Variants in GPAM observed in about 807,000 individuals in gnomAD.
The protein encoded by GPAM is glycerol-3-phosphate acyltransferase, mitochondrial.
GPAM carries 56 observed loss-of-function variants against 105.0 expected under a neutral mutation model. That is an observed-to-expected ratio of 0.53 (90% confidence interval 0.43 to 0.67). The LOEUF is 0.67. GPAM is among the 30% of genes least tolerant of loss of function. The pLI is 0.00. For synonymous variants in GPAM, 368 were observed against 354.4 expected (o/e 1.04, Z -0.43); for missense variants, 855 against 989.8 (o/e 0.86, Z 1.83).
At chr10:112,195,019 G>A (rs974464113) in intron 1 of GPAM, among the ~76,000 whole-genome samples, 1 of 151,978 alleles carries the variant, frequency 6.6e-6, no homozygotes, top group African/African-American at 2.4e-5. Context: ...CATCTTCACT[G>A]GGGGGCATAA....
the GPAM span, among the ~76,000 whole-genome samples, chr10:112,227,096 G>A: frequency 1.5e-4 from 23 of 152,148 alleles, no homozygotes; most frequent in Middle Eastern, 3.4e-3. Flanking sequence ...TGCCACTCTC[G>A]TTCTCTAAGC....
upstream of GPAM, among the ~76,000 whole-genome samples, chr10:112,184,017 T>A (rs1176665234): frequency 1.3e-5 from 2 of 152,198 alleles, no homozygotes; most frequent in African/African-American, 4.8e-5. Context: ...ATTCAGCTTA[T>A]CCGGGAGCTT....
chr10:112,151,633 C>A lies in GPAM; in HGVS notation c.*1917G>T. On this transcript the variant is annotated 3_prime_UTR_variant, in exon 22 of 22. Coordinates refer to ENST00000348367, the MANE Select transcript of GPAM (RefSeq NM_001244949.2). ...ATTTTCTTTGCTTAGGTTGGCAAAG[C>A]AGCAGCTCTTTGCAGCAATGACAGG... is the stretch of plus-strand genomic sequence containing the variant. 2.0e-6 allele frequency: 2 copies of A among 985,444 alleles called. No homozygotes were observed. The highest frequency in any genetic ancestry group is 9.4e-5 in the South Asian group (2 of 21,286). The allele number at this position is 985,444 out of a possible 1,614,324, so 61.0% of individuals were successfully genotyped here.
rs535706228 is a variant in GPAM, at chr10:112,168,416, C to T, written c.1003G>A (p.Val335Met). 6 of 1,606,584 alleles carry T rather than the reference C, an allele frequency of 3.7e-6. No homozygotes were observed. Among genetic ancestry groups the T allele is most frequent in the Non-Finnish European group, 5.1e-6 (6 of 1,173,070 alleles). Reference protein sequence around the residue: ...SCARAGLLSVVVDTLSTNVIP... With the variant: ...SCARAGLLSVMVDTLSTNVIP... ...ACATTGGTAGACAGAGTATCTACCACAACTGACAAAAGTCCTGCCCGAGCA... is the reference window on the plus strand; with the variant it reads ...ACATTGGTAGACAGAGTATCTACCATAACTGACAAAAGTCCTGCCCGAGCA... Residue 335 changes from valine to methionine, a missense_variant, in exon 11 of 22, where the codon GTG (valine) becomes ATG (methionine). Physicochemically the swap from Val to Met is conservative, Grantham distance 21. Transcript: ENST00000348367.
the GPAM span, among the ~76,000 whole-genome samples, chr10:112,225,616 C>A: frequency 6.6e-6 from 1 of 152,150 alleles, no homozygotes; most frequent in African/African-American, 2.4e-5. Context: ...TGCTACACAG[C>A]AGTTCACAGT....
intron 21 of GPAM, 31 bp from the exon 22 acceptor site, chr10:112,153,697 C>CAAAAAAT (rs1564808619): frequency 6.2e-7 from 1 of 1,601,454 alleles, no homozygotes; most frequent in Non-Finnish European, 8.5e-7. Context: ...AAATTAAAGG[C>CAAAAAAT]AAAAAATAAA....
rs897970129 is a variant in GPAM at position 112,168,295 on chromosome 10, T to A, written c.1107+17A>T. The A allele has an allele frequency of 1.4e-6, 2 of 1,403,896 alleles. No individual in the cohort carries two copies. The highest frequency in any genetic ancestry group is 1.4e-5 in the African/African-American group (1 of 70,860). The allele number at this position is 1,403,896 out of a possible 1,614,324, so 87.0% of individuals were successfully genotyped here. ...AGACTTGATAAGCAAAGAAAACTTTTGTGTAGGTACCCTTACCAGTTGTTC... is the reference window on the plus strand; with the variant it reads ...AGACTTGATAAGCAAAGAAAACTTTAGTGTAGGTACCCTTACCAGTTGTTC... On this transcript the variant is annotated intron_variant, in intron 11 of 21. Coordinates refer to ENST00000348367, the MANE Select transcript of GPAM (RefSeq NM_001244949.2).
In GPAM at chr10:112,158,475, C is replaced by T. The variant is rs550458362; in HGVS notation, c.1903-82G>A. 214 of 855,616 alleles carry T rather than the reference C, an allele frequency of 2.5e-4. No homozygotes were observed. In the East Asian group the frequency reaches 4.6e-3, roughly 18 times the overall value. The allele number at this position is 855,616 out of a possible 1,614,324, so 53.0% of individuals were successfully genotyped here. On this transcript the variant is annotated intron_variant, in intron 17 of 21. Coordinates refer to ENST00000348367, the MANE Select transcript of GPAM (RefSeq NM_001244949.2). ...ACGCAGAAAACATGGTACAAGGTAG[C>T]TGCCAAAGCCTTCCATTCTGTTACC...
At chr10:112,160,409 C>A (rs1475758675) in intron 16 of GPAM, 195 bp downstream of exon 16, 3 of 926,610 alleles carry the variant, frequency 3.2e-6, no homozygotes, top group Non-Finnish European at 3.9e-6. Flanking sequence ...TAATGCTATA[C>A]AAACGGTAAT....
intron 1 of GPAM, among the ~76,000 whole-genome samples, chr10:112,195,204 C>T (rs1189795220): frequency 6.6e-6 from 1 of 152,186 alleles, no homozygotes; most frequent in African/African-American, 2.4e-5. Context: ...TGCCAAAATG[C>T]ACCATGCCAA....
chr10:112,169,107 A>G (rs1789416937), intron 9 of GPAM, among the ~76,000 whole-genome samples, 155 bp from the exon 10 acceptor site: 2 of 152,128 alleles, frequency 1.3e-5, no homozygotes, highest in South Asian at 2.1e-4. Flanking sequence ...TTCATTTTCC[A>G]TATTATCGAC....
Position 112,152,042 on chromosome 10 carries a change from A to G in GPAM, c.*1508T>C, listed in dbSNP as rs1434960330. The stretch of plus-strand genomic sequence containing the variant: ...GTATTTCATACAATGTGAAATATCA[A>G]TCAGCATCCCTCCCTCTCCCAAAAC... On this transcript the variant is annotated 3_prime_UTR_variant, in exon 22 of 22. Coordinates refer to ENST00000348367, the MANE Select transcript of GPAM (RefSeq NM_001244949.2). 1 of 977,914 alleles carries G rather than the reference A, an allele frequency of 1.0e-6. No individual in the cohort carries two copies. The highest frequency in any genetic ancestry group is 1.2e-6 in the Non-Finnish European group (1 of 823,188). The allele number at this position is 977,914 out of a possible 1,614,324, so 60.6% of individuals were successfully genotyped here. A position where few individuals can be genotyped will look rare whatever the true frequency, so the allele number is the denominator to read the frequency against.
intron 7 of GPAM, 48 bp from the exon 8 acceptor site, chr10:112,173,114 A>C: frequency 9.7e-7 from 1 of 1,030,680 alleles, no homozygotes; most frequent in Middle Eastern, 2.0e-4. Flanking sequence ...AACACACGTT[A>C]TTTTTACATA....
rs1846947243 is a variant in GPAM at position 112,152,989 on chromosome 10, G to GAT, written c.*559_*560dup. On this transcript the variant is annotated 3_prime_UTR_variant, in exon 22 of 22. Transcript: ENST00000348367. ...GGACAGCACAGTGATACCTGGGTGT[G>GAT]ATATATATCAGTCCACTCAATTTAT... The GAT allele has an allele frequency of 7.3e-6, 2 of 272,964 alleles. No homozygotes were observed. The highest frequency in any genetic ancestry group is 2.6e-4 in the South Asian group (2 of 7,608). The allele number at this position is 272,964 out of a possible 1,614,324, so 16.9% of individuals were successfully genotyped here.
intron 3 of GPAM, among the ~76,000 whole-genome samples, chr10:112,181,198 CCCA>C (rs1249979239): frequency 6.6e-6 from 1 of 151,150 alleles, no homozygotes; most frequent in Non-Finnish European, 1.5e-5. Flanking sequence ...AAAAAAAAAC[CCCA>C]CCATTTTTTA....
At chr10:112,177,485 C>T (rs1426594904) in intron 5 of GPAM, among the ~76,000 whole-genome samples, 1 of 152,170 alleles carries the variant, frequency 6.6e-6, no homozygotes, top group Non-Finnish European at 1.5e-5. Context: ...CACACTGGTG[C>T]TTACAAGCCT....
rs554340533 is a variant in GPAM, at chr10:112,151,111, T to C, written c.*2439A>G. The C allele has an allele frequency of 4.1e-6, 4 of 981,684 alleles. No homozygotes were observed. The highest frequency in any genetic ancestry group is 4.8e-6 in the Non-Finnish European group (4 of 827,614). 60.8% of individuals were successfully genotyped at this position (981,684 alleles called of 1,614,324 possible). A position where few individuals can be genotyped will look rare whatever the true frequency, so the allele number is the denominator to read the frequency against. On this transcript the variant is annotated 3_prime_UTR_variant, in exon 22 of 22. Coordinates refer to ENST00000348367, the MANE Select transcript of GPAM (RefSeq NM_001244949.2). ...GACTGCAGTTTCATGTTGTTTAATA[T>C]TGTTTTTTTTTTTTAACTTGACCAC...
intron 1 of GPAM, among the ~76,000 whole-genome samples, chr10:112,204,228 G>C (rs1029278272): frequency 4.6e-5 from 7 of 150,958 alleles, no homozygotes; most frequent in Middle Eastern, 3.2e-3. Context: ...GCAAATCTCT[G>C]GTTATTACAG....
the GPAM span, among the ~76,000 whole-genome samples, chr10:112,222,415 A>C: frequency 1.3e-5 from 2 of 152,056 alleles, no homozygotes; most frequent in African/African-American, 4.8e-5. Flanking sequence ...TGCCTATAAC[A>C]CCCCTCAATA....
Sources: gnomAD v4.1 joint callset for allele counts (sites outside exome capture counted in the v4.1 genomes callset) on GRCh38, gnomAD v4.1.1 for gene constraint, MANE v1.5 for transcripts, NCBI Gene and HGNC (gene_info 2026-07-23, HGNC 2026-07-21) for gene names.